Variants in MGAT4C observed in about 807,000 individuals in gnomAD.
MGAT4C encodes alpha-1,3-mannosyl-glycoprotein 4-beta-N-acetylglucosaminyltransferase C.
Under a neutral mutation model 40.1 loss-of-function variants are expected in MGAT4C, and 19 were observed. The observed-to-expected ratio is 0.47, with a 90% CI of 0.33 to 0.70. The LOEUF (loss-of-function observed/expected upper bound fraction) is 0.70. Ranked by LOEUF, MGAT4C falls within the 30% of genes least tolerant of loss-of-function variation. The pLI is 0.02. For synonymous variants in MGAT4C, 181 were observed against 187.1 expected (o/e 0.97, Z 0.27); for missense variants, 491 against 563.2 (o/e 0.87, Z 1.30).
At chr12:86,704,179 G>A (rs1593132695) in intron 2 of MGAT4C, among the ~76,000 whole-genome samples, 1 of 151,982 alleles carries the variant, frequency 6.6e-6, no homozygotes, top group Admixed American at 6.6e-5. Context: ...TGTATGAAAA[G>A]GTTATTATCC....
chr12:86,663,353 C>CAAAAAAA (rs58562873), intron 2 of MGAT4C, among the ~76,000 whole-genome samples: 662 of 44,684 alleles, frequency 0.015, 18 homozygotes, highest in African/African-American at 0.026. Flanking sequence ...TCCTCTGTCT[C>CAAAAAAA]AAAAAAAAAA....
intron 3 of MGAT4C, among the ~76,000 whole-genome samples, chr12:86,347,642 G>A (rs368015003): frequency 6.6e-5 from 10 of 152,120 alleles, no homozygotes; most frequent in African/African-American, 1.7e-4. Context: ...TTGTCACCTC[G>A]TATAGACACA....
At chr12:86,034,643 A>G (rs1238118180) in intron 2 of MGAT4C, among the ~76,000 whole-genome samples, 1 of 148,658 alleles carries the variant, frequency 6.7e-6, no homozygotes, top group Non-Finnish European at 1.5e-5. Flanking sequence ...GGTTCATTGA[A>G]TAGGTATACA....
chr12:86,444,475 T>C (rs990290089), intron 2 of MGAT4C, among the ~76,000 whole-genome samples: 17 of 152,188 alleles, frequency 1.1e-4, no homozygotes, highest in African/African-American at 3.9e-4. Flanking sequence ...CCTGACCTTT[T>C]TCCACTGTGC....
intron 1 of MGAT4C, among the ~76,000 whole-genome samples, chr12:86,769,191 A>G (rs1951579343): frequency 6.6e-6 from 1 of 152,200 alleles, no homozygotes; most frequent in African/African-American, 2.4e-5. Context: ...AAAAAACCCC[A>G]TAAAAAATTG....
At chr12:86,326,096 T>C (rs755489388) in intron 4 of MGAT4C, among the ~76,000 whole-genome samples, 1 of 152,010 alleles carries the variant, frequency 6.6e-6, no homozygotes, top group African/African-American at 2.4e-5. Flanking sequence ...TAATATTTTA[T>C]TTTACATAAT....
At chr12:86,279,137 G>T (rs1181129996) in intron 4 of MGAT4C, among the ~76,000 whole-genome samples, 3 of 151,900 alleles carry the variant, frequency 2.0e-5, no homozygotes, top group Non-Finnish European at 4.4e-5. Flanking sequence ...ATGTGTCTTT[G>T]TCTGATTTTG....
At chr12:86,491,217 A>C (rs1958126556) in intron 2 of MGAT4C, among the ~76,000 whole-genome samples, 1 of 152,120 alleles carries the variant, frequency 6.6e-6, no homozygotes, top group Non-Finnish European at 1.5e-5. Context: ...ACCAGAGGTA[A>C]AAGGAGGAAA....
At chr12:86,515,908 A>G (rs1958678383) in intron 2 of MGAT4C, among the ~76,000 whole-genome samples, 1 of 151,788 alleles carries the variant, frequency 6.6e-6, no homozygotes, top group Non-Finnish European at 1.5e-5. Context: ...ACGCCCAGCT[A>G]ATTTTTTTTG....
intron 2 of MGAT4C, among the ~76,000 whole-genome samples, chr12:86,436,754 T>A (rs545248509): frequency 6.6e-6 from 1 of 151,762 alleles, no homozygotes; most frequent in African/African-American, 2.4e-5. Context: ...GTGATTTCAA[T>A]TGGAGAATAG....
chr12:86,587,514 G>A (rs1213632884), intron 2 of MGAT4C, among the ~76,000 whole-genome samples: 1 of 151,852 alleles, frequency 6.6e-6, no homozygotes, highest in Non-Finnish European at 1.5e-5. Flanking sequence ...GATGGGGATG[G>A]CATTGAATCT....
chr12:86,175,656 A>C (rs1887326539), intron 1 of MGAT4C, among the ~76,000 whole-genome samples: 1 of 152,014 alleles, frequency 6.6e-6, no homozygotes, highest in Non-Finnish European at 1.5e-5. Context: ...TATCAGGATC[A>C]CCTAAATAAT....
intron 1 of MGAT4C, among the ~76,000 whole-genome samples, chr12:86,836,477 G>A (rs1045469257): frequency 6.6e-6 from 1 of 151,916 alleles, no homozygotes; most frequent in East Asian, 1.9e-4. Context: ...GTTATTTAAC[G>A]ACAACTAATA....
Position 85,980,014 on chromosome 12 carries a change from T to C in MGAT4C, c.712A>G (p.Lys238Glu). The change falls in exon 5 of 5, where the codon AAG (lysine) becomes GAG (glutamate). Residue 238 changes from lysine (K) to glutamate (E), a missense_variant. Lys to Glu is a moderately conservative substitution (Grantham distance 56). Coordinates refer to ENST00000611864, the MANE Select transcript of MGAT4C (RefSeq NM_001351288.2). ...CCTTCTAGGGATGCAATGACTTTCT[T>C]GATGGCAGTTAAGAAATTTTTTGAA... ...RCSKNFLTAI[K>E]KVIASLEGTY... The C allele has an allele frequency of 6.2e-7, 1 of 1,613,710 alleles. No homozygotes were observed. The highest frequency in any genetic ancestry group is 8.5e-7 in the Non-Finnish European group (1 of 1,179,846).
intron 1 of MGAT4C, among the ~76,000 whole-genome samples, chr12:86,789,534 G>T (rs1300439568): frequency 6.6e-6 from 1 of 151,984 alleles, no homozygotes; most frequent in African/African-American, 2.4e-5. Context: ...ACAATCACAG[G>T]ATAGCTATTT....
intron 3 of MGAT4C, among the ~76,000 whole-genome samples, chr12:86,359,279 T>C (rs1268733582): frequency 6.6e-6 from 1 of 151,992 alleles, no homozygotes; most frequent in Non-Finnish European, 1.5e-5. Context: ...TTGAAACCAA[T>C]GAGAACAAAG....
chr12:86,044,391 T>C (rs1294156388), intron 2 of MGAT4C, among the ~76,000 whole-genome samples: 1 of 152,178 alleles, frequency 6.6e-6, no homozygotes, highest in Non-Finnish European at 1.5e-5. Context: ...GGTTACATGT[T>C]CATTGGTCGG....
At chr12:86,066,115 G>A (rs1003401579) in intron 1 of MGAT4C, among the ~76,000 whole-genome samples, 2 of 152,094 alleles carry the variant, frequency 1.3e-5, no homozygotes, top group Non-Finnish European at 2.9e-5. Context: ...AATCAATATC[G>A]TGAAAATGGC....
At chr12:86,517,532 T>C (rs1290982390) in intron 2 of MGAT4C, among the ~76,000 whole-genome samples, 1 of 152,206 alleles carries the variant, frequency 6.6e-6, no homozygotes, top group Non-Finnish European at 1.5e-5. Context: ...GGTTTATTAC[T>C]CATATAATGA....
Sources: gnomAD v4.1 joint callset for allele counts (sites outside exome capture counted in the v4.1 genomes callset) on GRCh38, gnomAD v4.1.1 for gene constraint, MANE v1.5 for transcripts, NCBI Gene and HGNC (gene_info 2026-07-23, HGNC 2026-07-21) for gene names.